GALNT2: variants seen among roughly 807,000 people sequenced by gnomAD.
The protein encoded by GALNT2 is UDP-GalNAc:polypeptide N-acetylgalactosaminyltransferase 2.
Under a neutral mutation model 81.4 loss-of-function variants are expected in GALNT2, and 31 were observed. The ratio of observed to expected loss-of-function variants is 0.38; its 90% CI spans 0.29 to 0.51. GALNT2 has a LOEUF of 0.51. Among genes scored for constraint, GALNT2 ranks in the 20% least tolerant of loss-of-function variants. GALNT2 has a pLI of 0.87. For missense variants in GALNT2, 629 were observed against 765.7 expected (o/e 0.82, Z 2.11); for synonymous variants, 303 against 287.4 (o/e 1.05, Z -0.55).
chr1:230,108,118 TG>T (rs1175710348), intron 1 of GALNT2, among the ~76,000 whole-genome samples: 12 of 152,352 alleles, frequency 7.9e-5, no homozygotes, highest in Non-Finnish European at 1.6e-4. Flanking sequence ...AGGCAGGCTC[TG>T]CTGCCAGGAG....
Position 230,275,703 on chromosome 1 carries a change from A to T in GALNT2, c.1560+1139A>T, listed in dbSNP as rs879919784. On this transcript the variant is annotated intron_variant, in intron 15 of 15. Coordinates refer to ENST00000366672, the MANE Select transcript of GALNT2 (RefSeq NM_004481.5). This position sits in a 1 kb window ranked among gnomAD's most constrained non-coding sequence, Gnocchi z 5.5. ...ATACATATGTAAACACCACATATAT[A>T]TACACACCACATATACACACCACAT... is the stretch of plus-strand genomic sequence containing the variant. Among the ~76,000 whole-genome samples the T allele has an allele frequency of 1.3e-5, 2 of 149,950 alleles. No individual in the cohort carries two copies. Among genetic ancestry groups the T allele is most frequent in the East Asian group, 1.9e-4 (1 of 5,156 alleles).
chr1:230,239,082 C>T (rs991904382), intron 6 of GALNT2, among the ~76,000 whole-genome samples: 8 of 151,946 alleles, frequency 5.3e-5, no homozygotes, highest in Non-Finnish European at 1.0e-4. Flanking sequence ...ATTTTATCAA[C>T]GTTTTTATAT....
chr1:230,198,658 C>T (rs767570500), intron 2 of GALNT2, among the ~76,000 whole-genome samples: 2 of 152,238 alleles, frequency 1.3e-5, no homozygotes, highest in East Asian at 1.9e-4. Flanking sequence ...CCAGGTAGGT[C>T]GGCATGGGGT....
At chr1:230,273,284 G>A (rs776650799) in intron 14 of GALNT2, among the ~76,000 whole-genome samples, 6 of 152,206 alleles carry the variant, frequency 3.9e-5, no homozygotes, top group Non-Finnish European at 7.3e-5. Flanking sequence ...TTCCCCACTA[G>A]AAAGGGAGCC....
chr1:230,140,641 C>T (rs996808390), intron 1 of GALNT2, among the ~76,000 whole-genome samples: 4 of 152,218 alleles, frequency 2.6e-5, no homozygotes, highest in Admixed American at 6.5e-5. Flanking sequence ...TCTCTGCAAA[C>T]GTGTATTATG....
chr1:230,229,131 T>G (rs1464886564), intron 3 of GALNT2, among the ~76,000 whole-genome samples: 1 of 152,174 alleles, frequency 6.6e-6, no homozygotes, highest in Non-Finnish European at 1.5e-5. Context: ...AATTAAAACG[T>G]AGGTTTGACA....
At chr1:230,172,596 C>T (rs77736312) in intron 1 of GALNT2, among the ~76,000 whole-genome samples, 7 of 152,182 alleles carry the variant, frequency 4.6e-5, no homozygotes, top group South Asian at 4.1e-4. Context: ...CGCATAGATT[C>T]GATCAATAGT....
intron 3 of GALNT2, among the ~76,000 whole-genome samples, chr1:230,228,494 C>T (rs1419261568): frequency 2.6e-5 from 4 of 151,778 alleles, no homozygotes; most frequent in Non-Finnish European, 4.4e-5. Flanking sequence ...ACAGCAGTGG[C>T]GTTACTCATC....
At chr1:230,214,088 T>C (rs1664312402) in intron 3 of GALNT2, among the ~76,000 whole-genome samples, 1 of 151,558 alleles carries the variant, frequency 6.6e-6, no homozygotes, top group African/African-American at 2.4e-5. Context: ...TGTATCCTTT[T>C]GTTTGTCTGA....
chr1:230,243,410 C>T lies in GALNT2; in HGVS notation c.712C>T (p.Leu238=). 8.7e-6 allele frequency: 14 copies of T among 1,612,200 alleles called. No homozygotes were observed. The highest frequency in any genetic ancestry group is 1.2e-5 in the Non-Finnish European group (14 of 1,179,836). The change falls in exon 7 of 16, where the codon CTG becomes TTG. Residue 238 remains leucine, a synonymous_variant. Coordinates refer to ENST00000366672, the MANE Select transcript of GALNT2 (RefSeq NM_004481.5). This position sits in a 1 kb window ranked among gnomAD's most constrained non-coding sequence, Gnocchi z 4.2. ...ECNEHWLEPL[L]ERVAEDRTRV... ...TAATGAGCACTGGCTGGAGCCCCTC[C>T]TGGAAAGGGTGGCGGAGGTGAGATG...
At chr1:230,176,059 C>T (rs1284139804) in intron 1 of GALNT2, among the ~76,000 whole-genome samples, 1 of 152,124 alleles carries the variant, frequency 6.6e-6, no homozygotes, top group African/African-American at 2.4e-5. Flanking sequence ...AATGGCAGGG[C>T]TTGTTCCATC....
At chr1:230,072,357 TGGGGCGGGG>T (rs1659401038) in intron 1 of GALNT2, among the ~76,000 whole-genome samples, 1 of 8,792 alleles carries the variant, frequency 1.1e-4, no homozygotes, top group Non-Finnish European at 2.1e-4. Flanking sequence ...GCAGGTGTGG[TGGGGCGGGG>T]GTGGCGGGGG....
At chr1:230,262,814 C>A in intron 12 of GALNT2, 108 bp from the exon 13 acceptor site, 1 of 1,322,684 alleles carries the variant, frequency 7.6e-7, no homozygotes, top group South Asian at 1.2e-5. Context: ...CAGTCCACAC[C>A]ACACCACCTG....
At chr1:230,273,738 A>G (rs1036275174) in intron 14 of GALNT2, among the ~76,000 whole-genome samples, 54 of 152,204 alleles carry the variant, frequency 3.5e-4, no homozygotes, top group African/African-American at 1.3e-3. Flanking sequence ...TCTCTAGCTC[A>G]GTTTTCTCAT....
Position 230,234,007 on chromosome 1 carries a change from T to C in GALNT2, c.375-2007T>C, listed in dbSNP as rs547235227. Among the ~76,000 whole-genome samples the C allele has an allele frequency of 2.0e-5, 3 of 152,300 alleles. No individual in the cohort carries two copies. The East Asian group carries it at 5.8e-4, about 29-fold the overall frequency. On this transcript the variant is annotated intron_variant, in intron 3 of 15. Transcript: ENST00000366672. ...GTTATGGGAAGGCGAGGGGCAGAAC[T>C]CTATTGTGAACAGAGGTTATTTTAT...
chr1:230,230,287 CTCAAT>C (rs1010528901), intron 3 of GALNT2, among the ~76,000 whole-genome samples: 22 of 152,014 alleles, frequency 1.4e-4, no homozygotes, highest in African/African-American at 5.1e-4. Flanking sequence ...CAGACTCAAA[CTCAAT>C]TTACAAATCG....
At chr1:230,121,680 G>A (rs1661019743) in intron 1 of GALNT2, among the ~76,000 whole-genome samples, 2 of 152,150 alleles carry the variant, frequency 1.3e-5, no homozygotes. Context: ...ATAGCTGACT[G>A]TAACTCAGGG....
intron 1 of GALNT2, among the ~76,000 whole-genome samples, chr1:230,111,054 GTGTGTGTGTACATACATA>G (rs910749829): frequency 6.6e-6 from 1 of 152,172 alleles, no homozygotes; most frequent in Non-Finnish European, 1.5e-5. Flanking sequence ...ATGCATATTT[GTGTGTGTGTACATACATA>G]TGTACACACT....
chr1:230,232,267 A>T (rs1290323771), intron 3 of GALNT2, among the ~76,000 whole-genome samples: 1 of 152,198 alleles, frequency 6.6e-6, no homozygotes, highest in Non-Finnish European at 1.5e-5. Flanking sequence ...TGCCTTAAAA[A>T]ATGGGATCCC....
Sources: gnomAD v4.1 joint callset for allele counts (sites outside exome capture counted in the v4.1 genomes callset) on GRCh38, gnomAD v4.1.1 for gene constraint, Gnocchi (gnomAD v3.1) non-coding constraint, MANE v1.5 for transcripts, NCBI Gene and HGNC (gene_info 2026-07-23, HGNC 2026-07-21) for gene names.